The following TTBK2 variants were observed in gnomAD, a reference collection of about 807,000 sequenced individuals.
TTBK2 encodes tau-tubulin kinase 2.
A neutral mutation model predicts 110.8 loss-of-function variants in TTBK2; 28 were observed. That is an observed-to-expected ratio of 0.25 (90% CI 0.19 to 0.35). The LOEUF is 0.35. Among genes scored for constraint, TTBK2 ranks in the 10% least tolerant of loss-of-function variants. The pLI is 1.00. For missense variants in TTBK2, 1,369 were observed against 1,500.3 expected (o/e 0.91, Z 1.45); for synonymous variants, 532 against 527.3 (o/e 1.01, Z -0.12).
In TTBK2 at chr15:42,840,396, C is replaced by A; in HGVS notation, c.255G>T (p.Arg85Ser). The A allele has an allele frequency of 6.2e-7, 1 of 1,613,908 alleles. No homozygotes were observed. The highest frequency in any genetic ancestry group is 8.5e-7 in the Non-Finnish European group (1 of 1,179,952). The change falls in exon 4 of 15, where the codon AGG (arginine) becomes AGT (serine). Residue 85 changes from arginine (R) to serine (S), a missense_variant. Arg to Ser is a moderately radical substitution (Grantham distance 110, BLOSUM62 -1). This residue lies in a region of TTBK2 where 122 missense variants were observed against 159.7 expected (regional missense o/e 0.76). Transcript: ENST00000267890. Reference sequence around the variant, plus strand: ...TGACCACATAGTTGAATCGATCATTCCTCCCACAGCCAATAAATCTACAAA... The same window carrying A: ...TGACCACATAGTTGAATCGATCATTACTCCCACAGCCAATAAATCTACAAA... ...DHVCRFIGCG[R>S]NDRFNYVVMQ...
chr15:42,842,194 C>T (rs1346444873), intron 3 of TTBK2, among the ~76,000 whole-genome samples: 1 of 152,026 alleles, frequency 6.6e-6, no homozygotes, highest in Admixed American at 6.6e-5. Flanking sequence ...CAATGCCTGC[C>T]CTAGAAAATG....
At chr15:42,799,773 T>A (rs1029367966) in intron 9 of TTBK2, among the ~76,000 whole-genome samples, 2 of 152,124 alleles carry the variant, frequency 1.3e-5, no homozygotes, top group South Asian at 2.1e-4. Context: ...GTGGATTATT[T>A]GTGTCAACCC....
intron 9 of TTBK2, among the ~76,000 whole-genome samples, chr15:42,809,740 G>A (rs911038638): frequency 2.0e-5 from 3 of 152,162 alleles, no homozygotes; most frequent in Non-Finnish European, 4.4e-5. Context: ...GGTCTCTAAG[G>A]ACTCAAGGCT....
intron 9 of TTBK2, among the ~76,000 whole-genome samples, chr15:42,803,448 G>A (rs899838033): frequency 6.6e-6 from 1 of 152,166 alleles, no homozygotes; most frequent in Non-Finnish European, 1.5e-5. Flanking sequence ...TGGAGATTCA[G>A]AAGTGCCCCA....
intron 4 of TTBK2, among the ~76,000 whole-genome samples, chr15:42,832,975 A>C (rs1892825079): frequency 6.6e-6 from 1 of 152,214 alleles, no homozygotes; most frequent in Admixed American, 6.5e-5. Flanking sequence ...ACTGATATGC[A>C]GTCATTCAAA....
chr15:42,856,789 T>C (rs181054440), intron 3 of TTBK2, among the ~76,000 whole-genome samples: 2 of 152,310 alleles, frequency 1.3e-5, no homozygotes, highest in Admixed American at 6.5e-5. Flanking sequence ...ATGCCAGGCG[T>C]GATGGCTCAC....
intron 13 of TTBK2, among the ~76,000 whole-genome samples, chr15:42,774,491 C>G (rs1889814523): frequency 1.3e-5 from 2 of 152,110 alleles, no homozygotes; most frequent in South Asian, 4.2e-4. Context: ...AATAGTCGTT[C>G]CTCAAAAGTT....
chr15:42,916,584 G>A (rs1194139345), intron 1 of TTBK2, among the ~76,000 whole-genome samples: 2 of 152,170 alleles, frequency 1.3e-5, no homozygotes, highest in Admixed American at 6.5e-5. Flanking sequence ...ACCTACCTTG[G>A]CCTCCCAAAG....
At chr15:42,855,141 A>G (rs1214428166) in intron 3 of TTBK2, 2 of 152,146 alleles carry the variant, frequency 1.3e-5, no homozygotes, top group Non-Finnish European at 2.9e-5. Context: ...CAATGGCGCA[A>G]TCTCGGCTCA....
At chr15:42,818,760 C>CAA (rs1160043190) in intron 6 of TTBK2, among the ~76,000 whole-genome samples, 2 of 150,656 alleles carry the variant, frequency 1.3e-5, no homozygotes, top group Non-Finnish European at 3.0e-5. Context: ...CAAAACACTT[C>CAA]AAATAAGGGA....
In TTBK2 at chr15:42,763,141, T is replaced by C. The variant is rs1311874013; in HGVS notation, c.1999-9894A>G. 1.8e-3 allele frequency among the ~76,000 whole-genome samples: 142 copies of C among 80,502 alleles called. 2 individuals are homozygous for C. Among genetic ancestry groups the C allele is most frequent in the African/African-American group, 9.8e-3 (139 of 14,136 alleles). The allele number at this position is 80,502 out of a possible 152,430, so 52.8% of individuals were successfully genotyped here. On this transcript the variant is annotated intron_variant, in intron 13 of 14. Coordinates refer to ENST00000267890, the MANE Select transcript of TTBK2 (RefSeq NM_173500.4). ...ATACACATATATATACATATATACA[T>C]ACATATATATATATACATATATATA...
rs1326876546 is a variant in TTBK2 at position 42,752,449 on chromosome 15, T to A, written c.2797A>T (p.Met933Leu). 6.2e-7 allele frequency: 1 copy of A among 1,614,194 alleles called. No homozygotes were observed. Among genetic ancestry groups the A allele is most frequent in the Admixed American group, 1.7e-5 (1 of 60,016 alleles). Residue 933 changes from methionine to leucine, a missense_variant, in exon 14 of 15, where the codon ATG becomes TTG. Met to Leu is a conservative substitution (Grantham distance 15). Coordinates refer to ENST00000267890, the MANE Select transcript of TTBK2 (RefSeq NM_173500.4). Reference protein sequence around the residue: ...NEHGAPTRKDMVRSSFVTRHS... With the variant: ...NEHGAPTRKDLVRSSFVTRHS... ...CTAGTTACAAAGGATGACCTAACCA[T>A]ATCCTTCCGGGTTGGGGCACCATGT...
At chr15:42,766,543 T>C (rs552902107) in intron 13 of TTBK2, among the ~76,000 whole-genome samples, 1 of 150,674 alleles carries the variant, frequency 6.6e-6, no homozygotes, top group South Asian at 2.1e-4. Context: ...AGAAGGTCAT[T>C]ACACAATGGT....
At chr15:42,786,246 C>A (rs909447187) in intron 10 of TTBK2, among the ~76,000 whole-genome samples, 1 of 152,012 alleles carries the variant, frequency 6.6e-6, no homozygotes, top group Non-Finnish European at 1.5e-5. Context: ...ATCAATAGTT[C>A]AGATTTATTA....
rs1401121843 is a variant in TTBK2 at position 42,743,209 on chromosome 15, G to GTT, written c.*2584_*2585dup. On this transcript the variant is annotated 3_prime_UTR_variant, in exon 15 of 15. Coordinates refer to ENST00000267890, the MANE Select transcript of TTBK2 (RefSeq NM_173500.4). ...ATAAAATATTCTTAAACGATGGACT[G>GTT]TTTATCTCTGGATCTTGATGAGTTT... 6.6e-6 allele frequency: 1 copy of GTT among 152,174 alleles called. No individual in the cohort carries two copies. Among genetic ancestry groups the GTT allele is most frequent in the Non-Finnish European group, 1.5e-5 (1 of 68,026 alleles). 9.4% of individuals were successfully genotyped at this position (152,174 alleles called of 1,614,324 possible).
At chr15:42,781,134 C>T (rs892763950) in intron 11 of TTBK2, among the ~76,000 whole-genome samples, 2 of 151,692 alleles carry the variant, frequency 1.3e-5, no homozygotes, top group Non-Finnish European at 2.9e-5. Flanking sequence ...CAGGCATGTA[C>T]TACCCAAAAG....
At position 42,775,562 on chromosome 15, in the gene TTBK2, G is replaced by C. The variant is rs868814760; in HGVS notation, c.1571C>G (p.Pro524Arg). The change falls in exon 13 of 15, where the codon CCT (proline) becomes CGT (arginine). Residue 524 changes from proline to arginine, a missense_variant. Transcript: ENST00000267890. ...DASKPASANT[P>R]EQADGGGSNG... Reference sequence around the variant, plus strand: ...GCTGCCACCACCATCTGCCTGCTCAGGGGTGTTGGCAGAAGCAGGCTTGGA... The same window carrying C: ...GCTGCCACCACCATCTGCCTGCTCACGGGTGTTGGCAGAAGCAGGCTTGGA... 6.2e-7 allele frequency: 1 copy of C among 1,614,192 alleles called. No individual in the cohort carries two copies. Among genetic ancestry groups the C allele is most frequent in the African/African-American group, 1.3e-5 (1 of 75,054 alleles).
intron 1 of TTBK2, among the ~76,000 whole-genome samples, chr15:42,891,235 G>C (rs980306299): frequency 1.3e-5 from 2 of 148,618 alleles, no homozygotes; most frequent in Non-Finnish European, 3.0e-5. Flanking sequence ...GGAGTGCAGT[G>C]GTGCAAACAT....
intron 1 of TTBK2, among the ~76,000 whole-genome samples, chr15:42,912,880 C>T (rs1015046357): frequency 6.6e-6 from 1 of 150,924 alleles, no homozygotes; most frequent in African/African-American, 2.4e-5. Context: ...AATCCCAGCA[C>T]TTTGGGAGGC....
Sources: allele counts gnomAD v4.1 joint callset (sites outside exome capture counted in the v4.1 genomes callset), GRCh38; gene constraint gnomAD v4.1.1; regional missense constraint gnomAD v4.1.1; transcripts MANE v1.5; gene names NCBI Gene and HGNC (gene_info 2026-07-23, HGNC 2026-07-21).